The following SHANK2 variants were observed in gnomAD, a reference collection of about 807,000 sequenced individuals.
SHANK2 encodes SH3 and multiple ankyrin repeat domains 2, also known as SH3 and multiple ankyrin repeat domains protein 2.
A neutral mutation model predicts 133.7 loss-of-function variants in SHANK2; 43 were observed. The ratio of observed to expected loss-of-function variants is 0.32; its 90% CI spans 0.25 to 0.41. SHANK2 has a LOEUF of 0.41. Ranked by LOEUF, SHANK2 falls within the 10% of genes least tolerant of loss-of-function variation. The pLI is 1.00. For synonymous variants in SHANK2, 1,017 were observed against 952.8 expected (o/e 1.07, Z -1.24); for missense variants, 1,994 against 2,235.8 (o/e 0.89, Z 2.18).
Position 70,471,528 on chromosome 11 carries a change from A to C in SHANK2, c.*1341T>G, listed in dbSNP as rs568139836. On this transcript the variant is annotated 3_prime_UTR_variant, in exon 26 of 26. Coordinates refer to ENST00000601538, the MANE Select transcript of SHANK2 (RefSeq NM_012309.5). This position sits in a 1 kb window ranked among gnomAD's most constrained non-coding sequence, Gnocchi z 4.1. ...GCCAGAGAGGCTGACCTGGCAGCCC[A>C]GGAGACCTCCCTGCTTTCCTCTCCT... The C allele has an allele frequency of 4.0e-5, 16 of 397,672 alleles. No individual in the cohort carries two copies. Among genetic ancestry groups the C allele is most frequent in the East Asian group, 3.9e-4 (11 of 28,074 alleles). 24.6% of individuals were successfully genotyped at this position (397,672 alleles called of 1,614,324 possible). A position where few individuals can be genotyped will look rare whatever the true frequency, so the allele number is the denominator to read the frequency against.
At chr11:71,115,069 T>C (rs1384178557) in intron 4 of SHANK2, among the ~76,000 whole-genome samples, 1 of 152,192 alleles carries the variant, frequency 6.6e-6, no homozygotes, top group Non-Finnish European at 1.5e-5. Context: ...TGAAATTATC[T>C]GAGGCAAAGA....
intron 25 of SHANK2, among the ~76,000 whole-genome samples, chr11:70,481,127 CT>C (rs2135705966): frequency 1.3e-5 from 2 of 152,344 alleles, no homozygotes; most frequent in East Asian, 3.9e-4. Flanking sequence ...TCCTGGAACA[CT>C]TTTCTTAGAA....
chr11:71,148,982 C>CTGGCCGT (rs1555107325), intron 2 of SHANK2, among the ~76,000 whole-genome samples: 15 of 151,824 alleles, frequency 9.9e-5, no homozygotes, highest in African/African-American at 3.6e-4. Flanking sequence ...GGGTGGGCCG[C>CTGGCCGT]GCTGCTTGGA....
In SHANK2 at chr11:70,518,261, C is replaced by T. The variant is rs548000411; in HGVS notation, c.2062-15330G>A. 1.2e-4 allele frequency among the ~76,000 whole-genome samples: 19 copies of T among 152,288 alleles called. 1 individual carries two copies. Among genetic ancestry groups the T allele is most frequent in the African/African-American group, 4.1e-4 (17 of 41,542 alleles). ...GACAGAGACTCTTATTAAGAAGAAA[C>T]ACAACTGAAGTGGGAGGATTGCTCG... On this transcript the variant is annotated intron_variant, in intron 17 of 25. Transcript: ENST00000601538.
chr11:70,839,880 C>T lies in SHANK2; in HGVS notation c.1175-19198G>A, dbSNP rs76166300. On this transcript the variant is annotated intron_variant, in intron 11 of 25. Transcript: ENST00000601538. ...ACTGATTTAACCTTCAAATAAATTC[C>T]TCCCAGGGCCGAGCTGGCAGCATAG... 6.5e-3 allele frequency among the ~76,000 whole-genome samples: 988 copies of T among 152,318 alleles called. 14 individuals are homozygous for T. The highest frequency in any genetic ancestry group is 0.023 in the African/African-American group (958 of 41,572).
chr11:70,775,174 T>C (rs1294799658), intron 14 of SHANK2, among the ~76,000 whole-genome samples: 4 of 151,972 alleles, frequency 2.6e-5, no homozygotes, highest in African/African-American at 9.7e-5. Flanking sequence ...AGAGAAAAAA[T>C]TGGCTGGGTG....
At chr11:70,474,999 G>C (rs1415883852) in intron 25 of SHANK2, 1 of 152,556 alleles carries the variant, frequency 6.6e-6, no homozygotes, top group Non-Finnish European at 1.5e-5. Flanking sequence ...CTCAGTGAAA[G>C]GGTCATGGGC....
Position 70,739,578 on chromosome 11 carries a change from G to C in SHANK2, c.1778-40815C>G, listed in dbSNP as rs188074542. ...CAGATCATGTGATTTGTCTTGTTCT[G>C]GTTTCAGATTCTGAGCCTGGTGAGG... On this transcript the variant is annotated intron_variant, in intron 14 of 25. Transcript: ENST00000601538. The surrounding 1 kb of genome is among the most constrained non-coding windows in gnomAD (Gnocchi z 4.3). Among the ~76,000 whole-genome samples, 9 of 152,254 alleles carry C rather than the reference G, an allele frequency of 5.9e-5. No individual in the cohort carries two copies. In the East Asian group the frequency reaches 1.7e-3, roughly 29 times the overall value.
At chr11:71,242,609 A>T (rs905823541) in intron 1 of SHANK2, among the ~76,000 whole-genome samples, 1 of 151,992 alleles carries the variant, frequency 6.6e-6, no homozygotes, top group South Asian at 2.1e-4. Flanking sequence ...CTCCCACACT[A>T]CATCACTGCT....
chr11:70,916,671 G>A (rs993629833), intron 10 of SHANK2, among the ~76,000 whole-genome samples: 3 of 152,100 alleles, frequency 2.0e-5, no homozygotes, highest in Non-Finnish European at 4.4e-5. Flanking sequence ...CCCTCCCTTC[G>A]CCTGGCACAG....
intron 17 of SHANK2, among the ~76,000 whole-genome samples, chr11:70,560,913 C>G (rs1554980732): frequency 6.6e-6 from 1 of 152,168 alleles, no homozygotes; most frequent in African/African-American, 2.4e-5. Flanking sequence ...AGGCGTGAGC[C>G]ACGGTGCCCG....
intron 15 of SHANK2, among the ~76,000 whole-genome samples, chr11:70,681,180 C>T (rs1285874351): frequency 2.6e-5 from 4 of 152,106 alleles, no homozygotes; most frequent in Admixed American, 2.0e-4. Context: ...ACAGCGGCAC[C>T]GGCTCTGCCA....
At chr11:70,949,628 G>A (rs148315182) in intron 10 of SHANK2, among the ~76,000 whole-genome samples, 1 of 152,306 alleles carries the variant, frequency 6.6e-6, no homozygotes, top group East Asian at 1.9e-4. Flanking sequence ...GTGTTTGCAG[G>A]GATCATGGGG....
In SHANK2 at chr11:70,472,814, C is replaced by T. The variant is rs1316277938; in HGVS notation, c.*55G>A. On this transcript the variant is annotated 3_prime_UTR_variant, in exon 26 of 26. Transcript: ENST00000601538. This position sits in a 1 kb window ranked among gnomAD's most constrained non-coding sequence, Gnocchi z 4.4. ...CGCTTGGCATTCAGATGTTTCAGCA[C>T]GAGCCCATCTCTACTTATAACAAGA... The T allele has an allele frequency of 3.1e-5, 48 of 1,545,058 alleles. No individual in the cohort carries two copies. Among genetic ancestry groups the T allele is most frequent in the South Asian group, 5.6e-5 (5 of 89,420 alleles).
intron 17 of SHANK2, among the ~76,000 whole-genome samples, chr11:70,515,699 G>C (rs577690219): frequency 1.3e-5 from 2 of 151,360 alleles, no homozygotes; most frequent in East Asian, 3.9e-4. Context: ...ACGTGGCTGT[G>C]GTTCCAGCTA....
At chr11:70,862,783 T>G in intron 11 of SHANK2, 1 of 281,052 alleles carries the variant, frequency 3.6e-6, no homozygotes, top group Non-Finnish European at 7.0e-6. Context: ...TTTGGACACA[T>G]TGCACATTTT....
chr11:70,918,758 A>G (rs1555080279), intron 10 of SHANK2, among the ~76,000 whole-genome samples: 1 of 152,170 alleles, frequency 6.6e-6, no homozygotes, highest in Non-Finnish European at 1.5e-5. Flanking sequence ...TGCCTGCCTC[A>G]GCCTCCCAAA....
intron 10 of SHANK2, among the ~76,000 whole-genome samples, chr11:70,915,671 G>C (rs1308572297): frequency 6.6e-6 from 1 of 152,152 alleles, no homozygotes; most frequent in Non-Finnish European, 1.5e-5. Flanking sequence ...AGGCATAAGA[G>C]AATTCACAGG....
At chr11:71,191,743 G>C (rs946543005) in intron 2 of SHANK2, among the ~76,000 whole-genome samples, 2 of 152,082 alleles carry the variant, frequency 1.3e-5, no homozygotes, top group Non-Finnish European at 2.9e-5. Flanking sequence ...ATTTGTAATA[G>C]AGACGGAGTT....
Sources: gnomAD v4.1 joint callset for allele counts (sites outside exome capture counted in the v4.1 genomes callset) on GRCh38, gnomAD v4.1.1 for gene constraint, Gnocchi (gnomAD v3.1) non-coding constraint, MANE v1.5 for transcripts, NCBI Gene and HGNC (gene_info 2026-07-23, HGNC 2026-07-21) for gene names.